CCDC62: variants seen among roughly 807,000 people sequenced by gnomAD.
CCDC62 encodes the protein coiled-coil domain-containing protein 62.
CCDC62 carries 72 observed loss-of-function variants against 80.8 expected under a neutral mutation model. The ratio of observed to expected loss-of-function variants is 0.89; its 90% CI spans 0.74 to 1.08. The LOEUF (loss-of-function observed/expected upper bound fraction) is 1.08. Among genes scored for constraint, CCDC62 ranks in the 50% least tolerant of loss-of-function variants. The probability of loss-of-function intolerance (pLI) is 0.00; values close to 1 mark genes in which losing one functional copy is unlikely to be tolerated. For missense variants in CCDC62, 704 were observed against 809.4 expected, an observed-to-expected ratio of 0.87 and a Z score of 1.58; for synonymous variants, 286 against 296.5, an observed-to-expected ratio of 0.96 and a Z score of 0.36.
rs1386787179 is a variant in CCDC62 at position 122,826,973 on chromosome 12, C to T, written c.*592C>T. 1 of 152,390 alleles carries T rather than the reference C, an allele frequency of 6.6e-6. No homozygotes were observed. Among genetic ancestry groups the T allele is most frequent in the African/African-American group, 2.4e-5 (1 of 41,450 alleles). The allele number at this position is 152,390 out of a possible 1,614,324, so 9.4% of individuals were successfully genotyped here. On this transcript the variant is annotated 3_prime_UTR_variant, in exon 13 of 13. Transcript: ENST00000253079. ...AAAATAGCTCGAGGTCCTTCTGTCCCAAGCTGAGCAGAGCCCCATCTTTCT... is the reference window on the plus strand; with the variant it reads ...AAAATAGCTCGAGGTCCTTCTGTCCTAAGCTGAGCAGAGCCCCATCTTTCT...
Position 122,801,419 on chromosome 12 carries a change from A to G in CCDC62, c.1273A>G (p.Ile425Val). 6.2e-7 allele frequency: 1 copy of G among 1,614,118 alleles called. No homozygotes were observed. The highest frequency in any genetic ancestry group is 1.1e-5 in the South Asian group (1 of 91,076). Residue 425 changes from isoleucine to valine, a missense_variant, in exon 9 of 13, where the codon ATT (isoleucine) becomes GTT (valine). By Grantham distance (29) the Ile-to-Val change is conservative. Coordinates refer to ENST00000253079, the MANE Select transcript of CCDC62 (RefSeq NM_201435.5). The stretch of plus-strand genomic sequence containing the variant: ...AACCCAGATTGAACCCGAAAACAAA[A>G]TTACATTGTGCAAGATCCACACAAA... ...GKTQIEPENK[I>V]TLCKIHTKSP...
intron 9 of CCDC62, among the ~76,000 whole-genome samples, chr12:122,802,138 A>G (rs1467771912): frequency 1.3e-5 from 2 of 152,192 alleles, no homozygotes; most frequent in African/African-American, 2.4e-5. Context: ...ACTTGGGCAG[A>G]TATGCTTTAT....
intron 9 of CCDC62, among the ~76,000 whole-genome samples, chr12:122,805,187 C>CTTTTT (rs35231650): frequency 1.5e-3 from 98 of 64,364 alleles, no homozygotes; most frequent in Non-Finnish European, 2.1e-3. Context: ...AACTGGCCGG[C>CTTTTT]TTTTTTTTTT....
intron 12 of CCDC62, among the ~76,000 whole-genome samples, chr12:122,825,877 C>T (rs1030604342): frequency 3.3e-5 from 5 of 150,036 alleles, no homozygotes; most frequent in Admixed American, 2.7e-4. Flanking sequence ...CCTGTAATCC[C>T]AGCTACTGGG....
intron 10 of CCDC62, among the ~76,000 whole-genome samples, chr12:122,806,796 G>A (rs1383999063): frequency 1.7e-5 from 2 of 116,274 alleles, no homozygotes; most frequent in African/African-American, 6.0e-5. Flanking sequence ...TTTTTCTTTC[G>A]AGAAAAATTG....
At position 122,792,099 on chromosome 12, in the gene CCDC62, G is replaced by A. The variant is rs763404202; in HGVS notation, c.750G>A (p.Leu250=). 50 of 1,611,566 alleles carry A rather than the reference G, an allele frequency of 3.1e-5. No individual in the cohort carries two copies. Among genetic ancestry groups the A allele is most frequent in the Admixed American group, 1.2e-4 (7 of 59,976 alleles). Residue 250 remains leucine (L), a synonymous_variant, in exon 6 of 13, where the codon CTG becomes CTA. Transcript: ENST00000253079. ...GCCTCAAGCAAGAGAAAAGTTGCCT[G>A]CACGATGAATTGCTTTTTACTGGTA... ...IIRLKQEKSC[L]HDELLFTVER... is the part of the protein sequence containing the mutation.
At chr12:122,784,337 A>G (rs75875275) in intron 3 of CCDC62, among the ~76,000 whole-genome samples, 19,955 of 152,098 alleles carry the variant, frequency 0.13, 2,228 homozygotes, top group African/African-American at 0.29. Context: ...CCTGACCAAC[A>G]TGGTGAAACC....
At chr12:122,779,803 G>T (rs770851472) in intron 2 of CCDC62, among the ~76,000 whole-genome samples, 43 of 151,726 alleles carry the variant, frequency 2.8e-4, no homozygotes, top group Non-Finnish European at 5.9e-4. Context: ...AGCTACTTGG[G>T]AGGCTAAGGC....
At chr12:122,791,577 T>TA (rs1351875032) in intron 5 of CCDC62, among the ~76,000 whole-genome samples, 1 of 151,770 alleles carries the variant, frequency 6.6e-6, no homozygotes, top group Non-Finnish European at 1.5e-5. Flanking sequence ...GGCTCCTGAG[T>TA]AGCTGGGATT....
chr12:122,799,370 C>A (rs1318953510), intron 8 of CCDC62, among the ~76,000 whole-genome samples: 1 of 152,126 alleles, frequency 6.6e-6, no homozygotes, highest in African/African-American at 2.4e-5. Flanking sequence ...AGGACTTGGG[C>A]ACATGTAGGT....
chr12:122,777,882 C>T (rs1879579641), intron 2 of CCDC62, among the ~76,000 whole-genome samples, 199 bp downstream of exon 2: 1 of 152,102 alleles, frequency 6.6e-6, no homozygotes, highest in Non-Finnish European at 1.5e-5. Context: ...CAAAGTATTT[C>T]AGTATAGAAA....
intron 6 of CCDC62, among the ~76,000 whole-genome samples, chr12:122,794,647 G>A (rs915930844): frequency 6.6e-6 from 1 of 151,948 alleles, no homozygotes; most frequent in African/African-American, 2.4e-5. Flanking sequence ...AGTGAACAAA[G>A]CCTACAAAAG....
At chr12:122,799,821 G>A (rs899707890) in intron 8 of CCDC62, among the ~76,000 whole-genome samples, 6 of 152,146 alleles carry the variant, frequency 3.9e-5, no homozygotes, top group African/African-American at 1.4e-4. Context: ...CAGGCGTGTG[G>A]CGTGTGGCTG....
chr12:122,787,946 G>A (rs1432225973), intron 4 of CCDC62, among the ~76,000 whole-genome samples: 1 of 152,076 alleles, frequency 6.6e-6, no homozygotes, highest in Non-Finnish European at 1.5e-5. Flanking sequence ...TTATTAGAAC[G>A]GTTATTTTTT....
intron 11 of CCDC62, among the ~76,000 whole-genome samples, chr12:122,819,262 G>T (rs1199423589): frequency 1.3e-5 from 2 of 152,160 alleles, no homozygotes; most frequent in African/African-American, 2.4e-5. Flanking sequence ...CTTAATTTCT[G>T]CAATAAGGAA....
chr12:122,802,707 C>G (rs2031380503), intron 9 of CCDC62, among the ~76,000 whole-genome samples: 1 of 151,906 alleles, frequency 6.6e-6, no homozygotes, highest in African/African-American at 2.4e-5. Flanking sequence ...AGCCACCACA[C>G]TTGGCCTCTA....
At chr12:122,808,414 A>G (rs1180054544) in intron 10 of CCDC62, among the ~76,000 whole-genome samples, 1 of 152,246 alleles carries the variant, frequency 6.6e-6, no homozygotes, top group Non-Finnish European at 1.5e-5. Flanking sequence ...AGATAATACA[A>G]ATAAAGCTGC....
intron 12 of CCDC62, among the ~76,000 whole-genome samples, chr12:122,823,915 G>A (rs995038272): frequency 6.6e-6 from 1 of 151,890 alleles, no homozygotes; most frequent in Non-Finnish European, 1.5e-5. Flanking sequence ...GAACCCAGGA[G>A]GCAGAAGTTG....
At chr12:122,783,902 C>G (rs2030040344) in intron 3 of CCDC62, among the ~76,000 whole-genome samples, 1 of 152,094 alleles carries the variant, frequency 6.6e-6, no homozygotes, top group African/African-American at 2.4e-5. Context: ...CTCATTGTCA[C>G]CTAAAGATTA....
Sources: allele counts gnomAD v4.1 joint callset (sites outside exome capture counted in the v4.1 genomes callset), GRCh38; gene constraint gnomAD v4.1.1; transcripts MANE v1.5; gene names NCBI Gene and HGNC (gene_info 2026-07-23, HGNC 2026-07-21).